NTNG1: variants seen among roughly 807,000 people sequenced by gnomAD.
The protein encoded by NTNG1 is netrin G1, also known as netrin-G1.
NTNG1 carries 16 observed loss-of-function variants against 54.0 expected under a neutral mutation model. That is an observed-to-expected ratio of 0.30 (90% confidence interval 0.20 to 0.45). The LOEUF is 0.45. Among genes scored for constraint, NTNG1 ranks in the 20% least tolerant of loss-of-function variants. The pLI, the probability that NTNG1 is intolerant of heterozygous loss-of-function variation, is 1.00. For missense variants in NTNG1, 530 were observed against 678.7 expected (o/e 0.78, Z 2.43); for synonymous variants, 255 against 263.1 (o/e 0.97, Z 0.30).
chr1:107,427,556 C>A (rs954482420), intron 5 of NTNG1, among the ~76,000 whole-genome samples: 1 of 151,972 alleles, frequency 6.6e-6, no homozygotes, highest in African/African-American at 2.4e-5. Context: ...AAATACTTTG[C>A]ATTTATATAG....
intron 2 of NTNG1, among the ~76,000 whole-genome samples, chr1:107,190,837 T>G (rs1055427477): frequency 1.3e-5 from 2 of 152,182 alleles, no homozygotes; most frequent in African/African-American, 4.8e-5. Context: ...TGTTGGACAT[T>G]GAGGTTGGTT....
chr1:107,231,429 A>G (rs539647514), intron 2 of NTNG1, among the ~76,000 whole-genome samples: 5 of 152,320 alleles, frequency 3.3e-5, no homozygotes, highest in African/African-American at 1.2e-4. Context: ...GTTAATTCAG[A>G]TAAGAGATTT....
chr1:107,267,371 G>A (rs999442387), intron 2 of NTNG1, among the ~76,000 whole-genome samples: 3 of 152,270 alleles, frequency 2.0e-5, no homozygotes, highest in Admixed American at 2.0e-4. Flanking sequence ...GAGTGCAGGA[G>A]ATGAATTTGC....
chr1:107,457,333 T>C (rs1677010737), intron 7 of NTNG1, among the ~76,000 whole-genome samples: 1 of 152,232 alleles, frequency 6.6e-6, no homozygotes, highest in Non-Finnish European at 1.5e-5. Flanking sequence ...AGTACATATT[T>C]GGAAAAGTCT....
chr1:107,382,739 G>A (rs924692904), intron 3 of NTNG1, among the ~76,000 whole-genome samples: 1 of 150,766 alleles, frequency 6.6e-6, no homozygotes, highest in African/African-American at 2.4e-5. Context: ...GGTGGGCTTG[G>A]GTTTTTGGTT....
chr1:107,296,627 T>C (rs1209708261), intron 2 of NTNG1, among the ~76,000 whole-genome samples: 1 of 147,986 alleles, frequency 6.8e-6, no homozygotes, highest in East Asian at 1.9e-4. Context: ...ATATTATTTC[T>C]ATGAATATAT....
chr1:107,264,570 A>C (rs560826905), intron 2 of NTNG1, among the ~76,000 whole-genome samples: 2 of 152,152 alleles, frequency 1.3e-5, no homozygotes, highest in African/African-American at 2.4e-5. Context: ...ACTGCCCTCT[A>C]TTCTCTGAGG....
At chr1:107,218,383 G>C (rs1557819003) in intron 2 of NTNG1, among the ~76,000 whole-genome samples, 1 of 152,110 alleles carries the variant, frequency 6.6e-6, no homozygotes, top group Non-Finnish European at 1.5e-5. Flanking sequence ...GCAGATACTT[G>C]TTTGGTGAGT....
At position 107,377,069 on chromosome 1, in the gene NTNG1, C is replaced by T. The variant is rs148277772; in HGVS notation, c.888-18085C>T. Among the ~76,000 whole-genome samples, 70 of 152,330 alleles carry T rather than the reference C, an allele frequency of 4.6e-4. No homozygotes were observed. The Middle Eastern group carries it at 0.014, about 30-fold the overall frequency. On this transcript the variant is annotated intron_variant, in intron 3 of 7. Transcript: ENST00000370068. ...TGGCTTCAGGGTCCCCCTGACTCCT[C>T]TTCCTGGCTTACATGGGGCCAGTTG...
chr1:107,213,005 G>T (rs1342891555), intron 2 of NTNG1, among the ~76,000 whole-genome samples: 1 of 151,674 alleles, frequency 6.6e-6, no homozygotes, highest in East Asian at 1.9e-4. Flanking sequence ...AAGAGTGGTG[G>T]TGAATGCTAA....
At position 107,423,551 on chromosome 1, in the gene NTNG1, T is replaced by C. The variant is rs562158812; in HGVS notation, c.1088-7199T>C. Reference sequence around the variant, plus strand: ...GGCTGTACGTGGTACAGGGTAGTTCTCAATAAATATGTGTTGCCAATGGTT... The same window carrying C: ...GGCTGTACGTGGTACAGGGTAGTTCCCAATAAATATGTGTTGCCAATGGTT... On this transcript the variant is annotated intron_variant, in intron 5 of 7. Coordinates refer to ENST00000370068, the MANE Select transcript of NTNG1 (RefSeq NM_001113226.3). Among the ~76,000 whole-genome samples, 4 of 152,226 alleles carry C rather than the reference T, an allele frequency of 2.6e-5. No individual in the cohort carries two copies. The East Asian group carries it at 7.8e-4, about 30-fold the overall frequency.
At chr1:107,274,493 TATC>T (rs1486694212) in intron 2 of NTNG1, among the ~76,000 whole-genome samples, 3 of 152,218 alleles carry the variant, frequency 2.0e-5, no homozygotes, top group African/African-American at 7.2e-5. Context: ...TAGGTACTAT[TATC>T]ATCCCTTCCT....
intron 2 of NTNG1, among the ~76,000 whole-genome samples, chr1:107,267,354 T>C (rs1663819032): frequency 6.6e-6 from 1 of 152,170 alleles, no homozygotes. Flanking sequence ...ATGTGTGTGT[T>C]AGATTTGAGT....
intron 2 of NTNG1, among the ~76,000 whole-genome samples, chr1:107,198,432 G>C (rs776580287): frequency 1.3e-5 from 2 of 151,910 alleles, no homozygotes; most frequent in Non-Finnish European, 2.9e-5. Flanking sequence ...AGTAAAAACT[G>C]TATCCTTATC....
At chr1:107,312,898 T>C in intron 2 of NTNG1, among the ~76,000 whole-genome samples, 1 of 152,304 alleles carries the variant, frequency 6.6e-6, no homozygotes, top group South Asian at 2.1e-4. Context: ...CCTTTTTTTT[T>C]CCTGAGCCAT....
intron 3 of NTNG1, among the ~76,000 whole-genome samples, chr1:107,373,008 G>A (rs1314377124): frequency 6.6e-6 from 1 of 151,940 alleles, no homozygotes; most frequent in Non-Finnish European, 1.5e-5. Context: ...CTTTTCGTGG[G>A]CAGCATATAA....
At chr1:107,417,600 C>T (rs755978180) in intron 5 of NTNG1, among the ~76,000 whole-genome samples, 2 of 152,018 alleles carry the variant, frequency 1.3e-5, no homozygotes, top group African/African-American at 2.4e-5. Flanking sequence ...TGCCTGTCCA[C>T]ATATCGGTGA....
intron 2 of NTNG1, among the ~76,000 whole-genome samples, chr1:107,302,767 A>G (rs188010008): frequency 7.2e-4 from 110 of 152,214 alleles, no homozygotes; most frequent in Non-Finnish European, 1.2e-3. Context: ...TCTTTCTTGG[A>G]GAAATATTTC....
intron 3 of NTNG1, among the ~76,000 whole-genome samples, chr1:107,334,614 G>GAA (rs199931875): frequency 1.4e-5 from 2 of 145,172 alleles, no homozygotes; most frequent in South Asian, 2.2e-4. Context: ...TTTTAGAACT[G>GAA]AAAAAAAAAA....
Sources: allele counts gnomAD v4.1 joint callset (sites outside exome capture counted in the v4.1 genomes callset), GRCh38; gene constraint gnomAD v4.1.1; transcripts MANE v1.5; gene names NCBI Gene and HGNC (gene_info 2026-07-23, HGNC 2026-07-21).